Variants in NSUN2 observed in about 807,000 individuals in gnomAD.
The protein encoded by NSUN2 is RNA cytosine C(5)-methyltransferase NSUN2.
NSUN2 carries 63 observed loss-of-function variants against 92.7 expected under a neutral mutation model. That is an observed-to-expected ratio of 0.68 (90% CI 0.56 to 0.84). The LOEUF (loss-of-function observed/expected upper bound fraction) is 0.84, where lower values mean the gene tolerates loss of function less well. NSUN2 is among the 40% of genes least tolerant of loss of function. NSUN2 has a pLI of 0.00. For synonymous variants in NSUN2, 356 were observed against 348.3 expected (o/e 1.02, Z -0.25); for missense variants, 989 against 964.9 (o/e 1.02, Z -0.33).
At chr5:6,622,691 T>C (rs1363596700) in intron 5 of NSUN2, among the ~76,000 whole-genome samples, 1 of 151,664 alleles carries the variant, frequency 6.6e-6, no homozygotes, top group Non-Finnish European at 1.5e-5. Flanking sequence ...CTACTAAAAA[T>C]ACAAAATTAG....
intron 4 of NSUN2, among the ~76,000 whole-genome samples, chr5:6,624,857 A>T (rs1171691969): frequency 3.9e-5 from 6 of 152,246 alleles, no homozygotes; most frequent in Non-Finnish European, 8.8e-5. Context: ...GAGACTAAGA[A>T]TTCCAAAAAA....
Position 6,632,844 on chromosome 5 carries a change from G to A in NSUN2, c.96+40C>T, listed in dbSNP as rs202160537. ...CAGGCCTCGGGGTCCGGGAAGCCCA[G>A]GAGGAGCCCCTGGCCCGCCCGCCGG... On this transcript the variant is annotated intron_variant, in intron 1 of 18. Transcript: ENST00000264670. 4 of 1,548,300 alleles carry A rather than the reference G, an allele frequency of 2.6e-6. No individual in the cohort carries two copies. The Admixed American group carries it at 5.8e-5, about 23-fold the overall frequency.
chr5:6,629,683 C>G (rs1369792983), intron 3 of NSUN2, among the ~76,000 whole-genome samples: 2 of 152,180 alleles, frequency 1.3e-5, no homozygotes, highest in Admixed American at 1.3e-4. Flanking sequence ...GCTCTGTGTT[C>G]CCACCCCAAT....
chr5:6,609,941 T>C lies in NSUN2; in HGVS notation c.1227-19A>G. The stretch of plus-strand genomic sequence containing the variant: ...CCTAAGGCTAAATATATATATATAA[T>C]TCACACCTCTGAACTAATCAAAAAT... On this transcript the variant is annotated intron_variant, in intron 11 of 18. Coordinates refer to ENST00000264670, the MANE Select transcript of NSUN2 (RefSeq NM_017755.6). 6.7e-7 allele frequency: 1 copy of C among 1,483,892 alleles called. No homozygotes were observed. The highest frequency in any genetic ancestry group is 9.4e-7 in the Non-Finnish European group (1 of 1,069,328). The allele number at this position is 1,483,892 out of a possible 1,614,324, so 91.9% of individuals were successfully genotyped here. A position where few individuals can be genotyped will look rare whatever the true frequency, so the allele number is the denominator to read the frequency against.
chr5:6,608,114 A>C (rs1736853155), intron 12 of NSUN2, among the ~76,000 whole-genome samples: 1 of 152,230 alleles, frequency 6.6e-6, no homozygotes, highest in Admixed American at 6.5e-5. Context: ...AAAGCTACTG[A>C]GCAGAGAAGC....
chr5:6,601,452 A>G (rs1004038559), intron 18 of NSUN2, among the ~76,000 whole-genome samples: 3 of 151,634 alleles, frequency 2.0e-5, no homozygotes, highest in African/African-American at 4.8e-5. Context: ...GGCCTCGCTG[A>G]CCTCTCCAGC....
In NSUN2 at chr5:6,600,036, C is replaced by T. The variant is rs143551642; in HGVS notation, c.2194G>A (p.Val732Met). 487 of 1,614,236 alleles carry T rather than the reference C, an allele frequency of 3.0e-4. No homozygotes were observed. The highest frequency in any genetic ancestry group is 8.5e-4 in the South Asian group (77 of 91,086). The change falls in exon 19 of 19, where the codon GTG (valine) becomes ATG (methionine). Residue 732 changes from valine (V) to methionine (M), a missense_variant. Physicochemically the swap from Val to Met is conservative, Grantham distance 21 (BLOSUM62 1). Coordinates refer to ENST00000264670, the MANE Select transcript of NSUN2 (RefSeq NM_017755.6). ...AASTGQPDNDVTEGQRAGEPN... is the reference protein window; with the variant it reads ...AASTGQPDNDMTEGQRAGEPN... ...TCTCCTGCTCTCTGTCCCTCAGTCA[C>T]GTCATTGTCTGGCTGTCCGGTGCTG...
At position 6,607,246 on chromosome 5, in the gene NSUN2, T is replaced by C; in HGVS notation, c.1462A>G (p.Thr488Ala). The change falls in exon 13 of 19, where the codon ACT becomes GCT. Residue 488 changes from threonine (T) to alanine (A), a missense_variant. This residue lies in a region of NSUN2 where 626 missense variants were observed against 602.3 expected (regional missense o/e 1.04). Transcript: ENST00000264670. ...GTGDTEIAHATEDLENNGSKK... is the reference protein window; with the variant it reads ...GTGDTEIAHAAEDLENNGSKK... ...CTGCCATTATTCTCTAAATCCTCAG[T>C]TGCATGAGCTATTTCTGTGTCACCA... 2.5e-6 allele frequency: 4 copies of C among 1,614,240 alleles called. No homozygotes were observed. Among genetic ancestry groups the C allele is most frequent in the Non-Finnish European group, 3.4e-6 (4 of 1,180,038 alleles).
intron 5 of NSUN2, among the ~76,000 whole-genome samples, 170 bp downstream of exon 5, chr5:6,623,044 G>GAAAAAAAAAAAAA (rs111573762): frequency 2.7e-4 from 20 of 72,838 alleles, no homozygotes; most frequent in Middle Eastern, 6.5e-3. Context: ...GGACAAAAAA[G>GAAAAAAAAAAAAA]AAAAAAAAAA....
At position 6,604,130 on chromosome 5, in the gene NSUN2, C is replaced by A. The variant is rs186213185; in HGVS notation, c.1957+8G>T. ...AAGTTATGTCTCTATGCATTTCCAA[C>A]TACTCACCCAGGTCCTTTGCTTGAC... On this transcript the variant is annotated splice_region_variant and intron_variant, in intron 17 of 18. Transcript: ENST00000264670. 1.7e-5 allele frequency: 28 copies of A among 1,610,612 alleles called. No individual in the cohort carries two copies. The Admixed American group carries it at 4.7e-4, about 27-fold the overall frequency.
rs1736670265 is a variant in NSUN2 at position 6,604,258 on chromosome 5, G to C, written c.1837C>G (p.Pro613Ala). The C allele has an allele frequency of 6.3e-7, 1 of 1,596,160 alleles. No homozygotes were observed. The highest frequency in any genetic ancestry group is 2.2e-5 in the East Asian group (1 of 44,800). ...LAQEGIYTLY[P>A]FINSRIITVS... ...GTAATAATTCTTGAGTTAATAAATG[G>C]ATACAATGTATATATTCCCTGTGTG... The change falls in exon 17 of 19, where the codon CCA becomes GCA. Residue 613 changes from proline to alanine, a missense_variant. By Grantham distance (27) the Pro-to-Ala change is conservative (BLOSUM62 -1). Around this residue, in one of 3 missense-constraint regions of NSUN2, gnomAD observed 626 missense variants for 602.3 expected, o/e 1.04. Coordinates refer to ENST00000264670, the MANE Select transcript of NSUN2 (RefSeq NM_017755.6).
chr5:6,618,376 C>CAA (rs1356576951), intron 7 of NSUN2, among the ~76,000 whole-genome samples: 1 of 152,170 alleles, frequency 6.6e-6, no homozygotes, highest in Admixed American at 6.5e-5. Flanking sequence ...CTCAGTTAAT[C>CAA]AACAATGACA....
rs1322072303 is a variant in NSUN2, at chr5:6,616,863, G to C, written c.891-6C>G. The C allele has an allele frequency of 3.5e-5, 57 of 1,610,760 alleles. No individual in the cohort carries two copies. Among genetic ancestry groups the C allele is most frequent in the Non-Finnish European group, 4.8e-5 (56 of 1,178,366 alleles). ...TTGCAATCCGCAGCTGTAAGCTAAG[G>C]GGAGATATCAGATGACTGCAAGGCC... On this transcript the variant is annotated splice_polypyrimidine_tract_variant and splice_region_variant and intron_variant, in intron 8 of 18. Coordinates refer to ENST00000264670, the MANE Select transcript of NSUN2 (RefSeq NM_017755.6).
At chr5:6,611,860 G>T in intron 9 of NSUN2, 62 bp from the exon 10 acceptor site, 1 of 1,410,612 alleles carries the variant, frequency 7.1e-7, no homozygotes, top group South Asian at 1.2e-5. Flanking sequence ...ACTATGCTCA[G>T]TGAAAAAAAC....
chr5:6,630,247 G>A (rs1044933720), intron 3 of NSUN2, among the ~76,000 whole-genome samples: 1 of 152,152 alleles, frequency 6.6e-6, no homozygotes, highest in Admixed American at 6.5e-5. Context: ...CGTAGCACCC[G>A]TATCATTTTC....
At chr5:6,606,987 C>G in intron 13 of NSUN2, 75 bp from the exon 14 acceptor site, 2 of 1,049,158 alleles carry the variant, frequency 1.9e-6, no homozygotes, top group South Asian at 2.8e-5. Flanking sequence ...CACATTCTTC[C>G]TTTCTGTCAG....
Position 6,606,889 on chromosome 5 carries a change from T to C in NSUN2, c.1532A>G (p.Lys511Arg). 6.3e-7 allele frequency: 1 copy of C among 1,590,714 alleles called. No homozygotes were observed. Among genetic ancestry groups the C allele is most frequent in the Non-Finnish European group, 8.6e-7 (1 of 1,159,464 alleles). Reference sequence around the variant, plus strand: ...TGGATCTTCTTTAAATCCAAATAACTTCATTTTCTTTGATGGAGGAGGACT... The same window carrying C: ...TGGATCTTCTTTAAATCCAAATAACCTCATTTTCTTTGATGGAGGAGGACT... ...VCGPPPSKKM[K>R]LFGFKEDPFV... is the part of the protein sequence containing the mutation. The change falls in exon 14 of 19, where the codon AAG becomes AGG. Residue 511 changes from lysine (K) to arginine (R), a missense_variant. By Grantham distance (26) the Lys-to-Arg change is conservative (BLOSUM62 2). Coordinates refer to ENST00000264670, the MANE Select transcript of NSUN2 (RefSeq NM_017755.6).
intron 4 of NSUN2, among the ~76,000 whole-genome samples, chr5:6,623,952 A>T (rs1408668510): frequency 6.6e-6 from 1 of 152,160 alleles, no homozygotes; most frequent in Non-Finnish European, 1.5e-5. Flanking sequence ...AGCCTCAACC[A>T]CACCTCTACT....
At chr5:6,616,334 C>G (rs941061414) in intron 9 of NSUN2, among the ~76,000 whole-genome samples, 2 of 152,176 alleles carry the variant, frequency 1.3e-5, no homozygotes, top group Admixed American at 6.5e-5. Context: ...ATAAGCAATG[C>G]AATTTTGACA....
Sources: allele counts gnomAD v4.1 joint callset (sites outside exome capture counted in the v4.1 genomes callset), GRCh38; gene constraint gnomAD v4.1.1; regional missense constraint gnomAD v4.1.1; transcripts MANE v1.5; gene names NCBI Gene and HGNC (gene_info 2026-07-23, HGNC 2026-07-21).